KCNMB2: variants seen among roughly 807,000 people sequenced by gnomAD.
KCNMB2 encodes the protein potassium calcium-activated channel subfamily M regulatory beta subunit 2.
Under a neutral mutation model 24.5 loss-of-function variants are expected in KCNMB2, and 9 were observed. The observed-to-expected ratio is 0.37, with a 90% CI of 0.22 to 0.64. The LOEUF is 0.64. Among genes scored for constraint, KCNMB2 ranks in the 30% least tolerant of loss-of-function variants. The pLI is 0.63. For synonymous variants in KCNMB2, 109 were observed against 104.4 expected (o/e 1.04, Z -0.27); for missense variants, 226 against 284.3 (o/e 0.79, Z 1.47).
chr3:178,721,482 G>C lies in KCNMB2; in HGVS notation c.-67-85861G>C, dbSNP rs763388266. 2.0e-5 allele frequency among the ~76,000 whole-genome samples: 3 copies of C among 152,304 alleles called. No individual in the cohort carries two copies. In the South Asian group the frequency reaches 6.2e-4, roughly 32 times the overall value. The stretch of plus-strand genomic sequence containing the variant: ...TGGTTTATCCATTCAACCCTTGAAG[G>C]ATATTTCAATAGTTGCAGTTTATGG... On this transcript the variant is annotated intron_variant, in intron 1 of 4. Transcript: ENST00000452583.
chr3:178,767,116 C>A (rs1018600855), intron 1 of KCNMB2, among the ~76,000 whole-genome samples: 12 of 152,154 alleles, frequency 7.9e-5, no homozygotes, highest in Admixed American at 7.9e-4. Flanking sequence ...CCAAAACAAA[C>A]AATTATCTGG....
intron 1 of KCNMB2, among the ~76,000 whole-genome samples, chr3:178,707,064 T>G (rs1029871766): frequency 2.0e-5 from 3 of 152,104 alleles, no homozygotes; most frequent in Non-Finnish European, 4.4e-5. Context: ...TTAGTCTCTT[T>G]CATTTGCAAG....
chr3:178,649,560 T>C (rs1720035070), intron 1 of KCNMB2, among the ~76,000 whole-genome samples: 1 of 152,110 alleles, frequency 6.6e-6, no homozygotes, highest in Non-Finnish European at 1.5e-5. Context: ...TTGTTATTAG[T>C]CTATTCAGGG....
intron 1 of KCNMB2, among the ~76,000 whole-genome samples, chr3:178,549,574 GC>G (rs775758182): frequency 1.2e-4 from 18 of 147,598 alleles, no homozygotes; most frequent in Non-Finnish European, 2.1e-4. Flanking sequence ...TGATCCGCCT[GC>G]CTCAGCCTCC....
chr3:178,605,786 G>A (rs753688730), intron 1 of KCNMB2, among the ~76,000 whole-genome samples: 1 of 152,296 alleles, frequency 6.6e-6, no homozygotes, highest in East Asian at 1.9e-4. Flanking sequence ...TGCAAGCTTT[G>A]ATATTTAGCT....
At chr3:178,789,974 C>T (rs1713260182) in intron 1 of KCNMB2, among the ~76,000 whole-genome samples, 1 of 151,686 alleles carries the variant, frequency 6.6e-6, no homozygotes, top group Non-Finnish European at 1.5e-5. Flanking sequence ...CCAGGCAGTG[C>T]AGCTTGCAGC....
At chr3:178,758,523 G>A (rs1374222023) in intron 1 of KCNMB2, among the ~76,000 whole-genome samples, 9 of 19,602 alleles carry the variant, frequency 4.6e-4, no homozygotes, top group African/African-American at 2.3e-3. Context: ...TCCAAGAGGA[G>A]ATGTATATAT....
intron 1 of KCNMB2, among the ~76,000 whole-genome samples, chr3:178,749,643 T>C (rs941002186): frequency 2.0e-5 from 3 of 152,220 alleles, no homozygotes; most frequent in African/African-American, 7.2e-5. Context: ...ATGCTGGCAC[T>C]CACCAAGAAT....
chr3:178,838,959 G>A (rs2108477892), intron 4 of KCNMB2, among the ~76,000 whole-genome samples: 1 of 152,270 alleles, frequency 6.6e-6, no homozygotes, highest in East Asian at 1.9e-4. Context: ...ATAATGTTTT[G>A]AAGAAGGAGC....
chr3:178,714,772 T>C (rs1214193405), intron 1 of KCNMB2, among the ~76,000 whole-genome samples: 1 of 152,140 alleles, frequency 6.6e-6, no homozygotes, highest in Non-Finnish European at 1.5e-5. Context: ...AAATCTAATG[T>C]TCGTCAGCCG....
chr3:178,833,485 C>G (rs1035679310), intron 4 of KCNMB2, among the ~76,000 whole-genome samples: 2 of 152,160 alleles, frequency 1.3e-5, no homozygotes, highest in Non-Finnish European at 2.9e-5. Flanking sequence ...GTCAAAAGGT[C>G]ATTAAACCAT....
At chr3:178,779,141 C>T (rs1385891103) in intron 1 of KCNMB2, among the ~76,000 whole-genome samples, 10 of 152,224 alleles carry the variant, frequency 6.6e-5, no homozygotes, top group African/African-American at 1.9e-4. Flanking sequence ...TCCAGCTGCA[C>T]AACATGGACC....
At position 178,615,933 on chromosome 3, in the gene KCNMB2, C is replaced by T. The variant is rs567604623; in HGVS notation, c.-68+79222C>T. Among the ~76,000 whole-genome samples, 23 of 152,252 alleles carry T rather than the reference C, an allele frequency of 1.5e-4. 1 individual carries two copies. Among genetic ancestry groups the T allele is most frequent in the African/African-American group, 3.6e-4 (15 of 41,552 alleles). On this transcript the variant is annotated intron_variant, in intron 1 of 4. Transcript: ENST00000452583. ...CCTTTCCTTCAAGGCAGTGGGTTCT[C>T]TTCTGACCCAGGTGTCTAGAAATGT...
At chr3:178,748,321 C>A (rs575262977) in intron 1 of KCNMB2, 1 of 152,302 alleles carries the variant, frequency 6.6e-6, no homozygotes, top group Admixed American at 6.5e-5. Context: ...AACATTTTCT[C>A]TTTCCCCTTA....
chr3:178,675,063 T>C (rs181346110), intron 1 of KCNMB2, among the ~76,000 whole-genome samples: 68 of 152,336 alleles, frequency 4.5e-4, no homozygotes, highest in African/African-American at 1.4e-3. Context: ...AATAGTCTTA[T>C]TGCTTTTAAT....
chr3:178,600,691 TCA>T (rs1718048891), intron 1 of KCNMB2, among the ~76,000 whole-genome samples: 1 of 152,148 alleles, frequency 6.6e-6, no homozygotes, highest in Admixed American at 6.5e-5. Context: ...CAGACATCTC[TCA>T]GAGAGGTTAA....
chr3:178,799,326 G>A lies in KCNMB2; in HGVS notation c.-67-8017G>A, dbSNP rs1713682033. On this transcript the variant is annotated intron_variant, in intron 1 of 4. Transcript: ENST00000452583. The stretch of plus-strand genomic sequence containing the variant: ...CTATTAGAATTGATAAGCAAATTCA[G>A]TAAAGTTGCAGGATCCAAAAATCAA... 3.3e-5 allele frequency among the ~76,000 whole-genome samples: 5 copies of A among 152,118 alleles called. No individual in the cohort carries two copies. The South Asian group carries it at 1.0e-3, about 31-fold the overall frequency.
rs1296043203 is a variant in KCNMB2, at chr3:178,807,473, C to T, written c.56+8C>T. 1.2e-6 allele frequency: 2 copies of T among 1,611,904 alleles called. No homozygotes were observed. The highest frequency in any genetic ancestry group is 1.7e-6 in the Non-Finnish European group (2 of 1,178,190). ...TAGACATGATGAAAAAAGGTAAATG[C>T]ACTGGGATTCTGGGCACTTTTCAGA... is the stretch of plus-strand genomic sequence containing the variant. On this transcript the variant is annotated splice_region_variant and intron_variant, in intron 2 of 4. Coordinates refer to ENST00000452583, the MANE Select transcript of KCNMB2 (RefSeq NM_181361.3).
intron 1 of KCNMB2, among the ~76,000 whole-genome samples, chr3:178,653,512 G>T (rs538287459): frequency 1.0e-3 from 156 of 152,068 alleles, no homozygotes; most frequent in Non-Finnish European, 2.0e-3. Context: ...TGACCTTAAA[G>T]TATCTCCATT....
Sources: allele counts gnomAD v4.1 joint callset (sites outside exome capture counted in the v4.1 genomes callset), GRCh38; gene constraint gnomAD v4.1.1; transcripts MANE v1.5; gene names NCBI Gene and HGNC (gene_info 2026-07-23, HGNC 2026-07-21).